The following DCHS2 variants were observed in gnomAD, a reference collection of about 807,000 sequenced individuals.
The protein encoded by DCHS2 is dachsous cadherin-related 2, also known as protocadherin-23.
Under a neutral mutation model 182.4 loss-of-function variants are expected in DCHS2, and 142 were observed. That is an observed-to-expected ratio of 0.78 (90% confidence interval 0.68 to 0.89). DCHS2 has a LOEUF of 0.89. DCHS2 is among the 40% of genes least tolerant of loss of function. The pLI, the probability that DCHS2 is intolerant of heterozygous loss-of-function variation, is 0.00. For synonymous variants in DCHS2, 1,740 were observed against 1,663.3 expected, an observed-to-expected ratio of 1.05 and a Z score of -1.12; for missense variants, 4,319 against 4,198.6, an observed-to-expected ratio of 1.03 and a Z score of -0.79.
intron 13 of DCHS2, among the ~76,000 whole-genome samples, chr4:154,278,176 A>T (rs1021259471): frequency 1.3e-5 from 2 of 151,966 alleles, no homozygotes; most frequent in South Asian, 2.1e-4. Flanking sequence ...AACTAATTTA[A>T]AAAAACCCAG....
At chr4:154,252,443 T>C (rs184711072) in intron 16 of DCHS2, among the ~76,000 whole-genome samples, 7 of 152,270 alleles carry the variant, frequency 4.6e-5, no homozygotes, top group Admixed American at 3.3e-4. Context: ...ATTCCAACTA[T>C]ATTTTGTAAT....
intron 1 of DCHS2, among the ~76,000 whole-genome samples, chr4:154,383,319 A>G (rs1447842072): frequency 6.6e-6 from 1 of 152,130 alleles, no homozygotes; most frequent in African/African-American, 2.4e-5. Flanking sequence ...GGAAACTACT[A>G]GAAGGGGGAG....
intron 12 of DCHS2, among the ~76,000 whole-genome samples, chr4:154,301,819 G>C (rs1735203386): frequency 6.6e-6 from 1 of 151,996 alleles, no homozygotes; most frequent in Admixed American, 6.6e-5. Flanking sequence ...CCTTATTTTA[G>C]CAAAAAGGAA....
intron 2 of DCHS2, chr4:154,373,773 G>T: frequency 1.6e-6 from 1 of 638,018 alleles, no homozygotes; most frequent in Non-Finnish European, 2.7e-6. Flanking sequence ...TGCAAGACGG[G>T]CAAGAGGGCA....
At position 154,417,204 on chromosome 4, in the gene DCHS2, T is replaced by TGTGTGAGA. The variant is rs1560745908; in HGVS notation, c.2053-39761_2053-39760insTCTCACAC. On this transcript the variant is annotated intron_variant, in intron 1 of 19. Coordinates refer to ENST00000357232, the MANE Select transcript of DCHS2 (RefSeq NM_001358235.2). ...GTGTGTGTGTGTGTGTGTGTGTGTG[T>TGTGTGAGA]GAGAGAGAGAGAGAGAGAGAGAGAG... Among the ~76,000 whole-genome samples the TGTGTGAGA allele has an allele frequency of 8.1e-4, 32 of 39,478 alleles. 1 individual carries two copies. Among genetic ancestry groups the TGTGTGAGA allele is most frequent in the East Asian group, 6.7e-3 (4 of 600 alleles). 25.9% of individuals were successfully genotyped at this position (39,478 alleles called of 152,430 possible).
intron 1 of DCHS2, among the ~76,000 whole-genome samples, chr4:154,443,070 A>G (rs531141218): frequency 6.6e-6 from 1 of 151,822 alleles, no homozygotes; most frequent in African/African-American, 2.4e-5. Context: ...ATCCACTCCA[A>G]CCACCTCCAA....
chr4:154,433,669 C>T (rs1222375618), intron 1 of DCHS2, among the ~76,000 whole-genome samples: 2 of 152,180 alleles, frequency 1.3e-5, no homozygotes, highest in African/African-American at 4.8e-5. Context: ...GCTGGGATTA[C>T]AGGCATGAAT....
chr4:154,274,998 G>T (rs1733772905), intron 13 of DCHS2, among the ~76,000 whole-genome samples: 1 of 151,364 alleles, frequency 6.6e-6, no homozygotes, highest in South Asian at 2.1e-4. Flanking sequence ...AACCCATCTT[G>T]CTAGAGGTAA....
chr4:154,318,789 G>T (rs373266935), intron 9 of DCHS2, among the ~76,000 whole-genome samples: 2 of 152,070 alleles, frequency 1.3e-5, no homozygotes, highest in East Asian at 1.9e-4. Flanking sequence ...CTGATCTACA[G>T]ATTCAATGCA....
intron 12 of DCHS2, among the ~76,000 whole-genome samples, chr4:154,303,983 GT>G (rs768752713): frequency 2.0e-5 from 3 of 151,700 alleles, no homozygotes; most frequent in Non-Finnish European, 4.4e-5. Flanking sequence ...CATCTTTTTG[GT>G]TTACTTATTC....
chr4:154,443,486 C>T lies in DCHS2; in HGVS notation c.2052+45818G>A, dbSNP rs185912020. Among the ~76,000 whole-genome samples the T allele has an allele frequency of 8.5e-4, 129 of 152,266 alleles. 2 individuals carry two copies. The highest frequency in any genetic ancestry group is 3.0e-3 in the African/African-American group (125 of 41,550). ...CTGTCAATCCTGTTTCTCTTATTTC[C>T]CTGAGAACACAAAAGGTAACCAGAA... On this transcript the variant is annotated intron_variant, in intron 1 of 19. Transcript: ENST00000357232.
chr4:154,277,833 G>A (rs184728524), intron 13 of DCHS2, among the ~76,000 whole-genome samples: 6 of 152,094 alleles, frequency 3.9e-5, no homozygotes, highest in Admixed American at 1.3e-4. Flanking sequence ...CTGAGGTCAG[G>A]AGTTCAAGAC....
intron 1 of DCHS2, among the ~76,000 whole-genome samples, chr4:154,437,788 T>C (rs747401673): frequency 2.6e-5 from 4 of 152,246 alleles, no homozygotes; most frequent in Non-Finnish European, 4.4e-5. Flanking sequence ...AAGTATTCTT[T>C]AGTCTCCTAC....
intron 1 of DCHS2, among the ~76,000 whole-genome samples, chr4:154,382,974 T>C (rs571936857): frequency 6.6e-6 from 1 of 152,286 alleles, no homozygotes; most frequent in African/African-American, 2.4e-5. Context: ...CGAACAATAA[T>C]CCAATTACTG....
In DCHS2 at chr4:154,320,720, A is replaced by C. The variant is rs774165872; in HGVS notation, c.4679T>G (p.Phe1560Cys). 2.5e-6 allele frequency: 4 copies of C among 1,614,130 alleles called. No homozygotes were observed. The highest frequency in any genetic ancestry group is 2.2e-5 in the East Asian group (1 of 44,880). ...IESHNPGTNP[F>C]LIHPSFGTLV... ...TGTGCCAAATGAGGGGTGGATGAGA[A>C]ATGGATTCGTGCCAGGGTTGTGGGA... Residue 1560 changes from phenylalanine to cysteine, a missense_variant, in exon 9 of 20, where the codon TTT becomes TGT. Physicochemically the swap from Phe to Cys is radical, Grantham distance 205 (BLOSUM62 -2). Coordinates refer to ENST00000357232, the MANE Select transcript of DCHS2 (RefSeq NM_001358235.2).
chr4:154,276,561 T>C (rs906300298), intron 13 of DCHS2, among the ~76,000 whole-genome samples: 2 of 152,230 alleles, frequency 1.3e-5, no homozygotes, highest in Admixed American at 1.3e-4. Flanking sequence ...CATTTTCTTA[T>C]TGATGACTGA....
At chr4:154,345,467 T>C (rs1729314312) in intron 3 of DCHS2, among the ~76,000 whole-genome samples, 1 of 152,274 alleles carries the variant, frequency 6.6e-6, no homozygotes, top group African/African-American at 2.4e-5. Flanking sequence ...AGGGATGTGA[T>C]GTTTGACCAA....
chr4:154,487,439 A>G (rs760556854), intron 1 of DCHS2, among the ~76,000 whole-genome samples: 7 of 152,226 alleles, frequency 4.6e-5, no homozygotes, highest in Non-Finnish European at 1.0e-4. Flanking sequence ...TGAGAGAGAA[A>G]TATACTTTGA....
In DCHS2 at chr4:154,490,290, A is replaced by G; in HGVS notation, c.1066T>C (p.Phe356Leu). The G allele has an allele frequency of 1.3e-5, 20 of 1,547,916 alleles. No individual in the cohort carries two copies. The highest frequency in any genetic ancestry group is 1.7e-5 in the Non-Finnish European group (19 of 1,146,652). The change falls in exon 1 of 20, where the codon TTC (phenylalanine) becomes CTC (leucine). Residue 356 changes from phenylalanine (F) to leucine (L), a missense_variant. By Grantham distance (22) the Phe-to-Leu change is conservative. Transcript: ENST00000357232. ...ACGCCGCTCAGCTCCTCCACCGCGA[A>G]GTAGGCCGCGTCGCCCAGTGCCCCG... ...GGGALGDAAY[F>L]AVEELSGVVR...
Sources: gnomAD v4.1 joint callset for allele counts (sites outside exome capture counted in the v4.1 genomes callset) on GRCh38, gnomAD v4.1.1 for gene constraint, MANE v1.5 for transcripts, NCBI Gene and HGNC (gene_info 2026-07-23, HGNC 2026-07-21) for gene names.